The following SLC26A5 variants were observed in gnomAD, a reference collection of about 807,000 sequenced individuals.
SLC26A5 encodes solute carrier family 26 member 5.
In SLC26A5, 51 loss-of-function variants were observed where a neutral mutation model predicts 81.0. That is an observed-to-expected ratio of 0.63 (90% CI 0.50 to 0.80). SLC26A5 has a LOEUF of 0.80. Ranked by LOEUF, SLC26A5 falls within the 30% of genes least tolerant of loss-of-function variation. SLC26A5 has a pLI of 0.00. For missense variants in SLC26A5, 771 were observed against 905.8 expected, an observed-to-expected ratio of 0.85 and a Z score of 1.91; for synonymous variants, 325 against 332.8, an observed-to-expected ratio of 0.98 and a Z score of 0.25.
chr7:103,368,241 G>T (rs1475712691), intron 19 of SLC26A5: 2 of 623,020 alleles, frequency 3.2e-6, no homozygotes, highest in Non-Finnish European at 5.1e-6. Flanking sequence ...AATATATTTT[G>T]ACTATTTTTT....
intron 19 of SLC26A5, among the ~76,000 whole-genome samples, chr7:103,353,224 C>G (rs1362107196): frequency 6.6e-6 from 1 of 151,644 alleles, no homozygotes; most frequent in African/African-American, 2.4e-5. Flanking sequence ...TTTTTTAAAC[C>G]TACCTGATTC....
rs748365094 is a variant in SLC26A5 at position 103,393,023 on chromosome 7, C to T, written c.1015G>A (p.Val339Met). The T allele has an allele frequency of 6.2e-7, 1 of 1,613,976 alleles. No homozygotes were observed. The highest frequency in any genetic ancestry group is 1.1e-5 in the South Asian group (1 of 91,074). ...ANPDTSLFHL[V>M]YVDAIAIAIV... ...GCTATGGCAATGGCATCTACGTACA[C>T]AAGGTGGAAGAGGCTGGTGTCCGGA... Residue 339 changes from valine (V) to methionine (M), a missense_variant, in exon 10 of 20, where the codon GTG becomes ATG. Val to Met is a conservative substitution (Grantham distance 21). Coordinates refer to ENST00000306312, the MANE Select transcript of SLC26A5 (RefSeq NM_198999.3).
intron 7 of SLC26A5, among the ~76,000 whole-genome samples, chr7:103,409,934 C>G (rs913914427): frequency 1.3e-5 from 2 of 152,130 alleles, no homozygotes; most frequent in African/African-American, 2.4e-5. Flanking sequence ...GTCTCGATCT[C>G]CTGACCTCGT....
In SLC26A5 at chr7:103,420,643, T is replaced by C; in HGVS notation, c.292+95A>G. 10 of 1,495,098 alleles carry C rather than the reference T, an allele frequency of 6.7e-6. No individual in the cohort carries two copies. In the South Asian group the frequency reaches 9.2e-5, roughly 14 times the overall value. The allele number at this position is 1,495,098 out of a possible 1,614,324, so 92.6% of individuals were successfully genotyped here. A position where few individuals can be genotyped will look rare whatever the true frequency, so the allele number is the denominator to read the frequency against. Reference sequence around the variant, plus strand: ...GGTAAAGGTTACTAGAAAGATATGATAAAAATTATGAATTTGCAATCATGA... The same window carrying C: ...GGTAAAGGTTACTAGAAAGATATGACAAAAATTATGAATTTGCAATCATGA... On this transcript the variant is annotated intron_variant, in intron 4 of 19. Transcript: ENST00000306312.
chr7:103,391,821 A>T, intron 10 of SLC26A5, 86 bp from the exon 11 acceptor site: 1 of 960,396 alleles, frequency 1.0e-6, no homozygotes. Flanking sequence ...ACACATTGTC[A>T]GCACTACAGC....
intron 1 of SLC26A5, among the ~76,000 whole-genome samples, chr7:103,443,896 A>G (rs1295148118): frequency 6.6e-6 from 1 of 152,214 alleles, no homozygotes; most frequent in Non-Finnish European, 1.5e-5. Flanking sequence ...AAAGGTGTAC[A>G]AGATTTTGAA....
chr7:103,440,341 G>C (rs10256586), intron 2 of SLC26A5, among the ~76,000 whole-genome samples: 58,063 of 152,116 alleles, frequency 0.38, 14,825 homozygotes, highest in African/African-American at 0.71. Flanking sequence ...AAATTGTAAT[G>C]CTTTTTGGAA....
chr7:103,394,428 G>C (rs1341668097), intron 9 of SLC26A5, among the ~76,000 whole-genome samples: 1 of 152,192 alleles, frequency 6.6e-6, no homozygotes, highest in Non-Finnish European at 1.5e-5. Flanking sequence ...TGCTGCACAG[G>C]CATGAACTAA....
At chr7:103,425,914 A>T (rs1825681421) in intron 2 of SLC26A5, among the ~76,000 whole-genome samples, 1 of 152,182 alleles carries the variant, frequency 6.6e-6, no homozygotes, top group Admixed American at 6.5e-5. Flanking sequence ...AGAAGCTCTC[A>T]GGTGATTCTA....
At position 103,366,967 on chromosome 7, in the gene SLC26A5, G is replaced by A. The variant is rs374636386; in HGVS notation, c.2041+9841C>T. On this transcript the variant is annotated intron_variant, in intron 19 of 19. Transcript: ENST00000339444. ...TTACAGATGCCTACCACCATGCCTG[G>A]CTAATTTTTGTATTTTTAGTAGAGA... Among the ~76,000 whole-genome samples, 14 of 152,168 alleles carry A rather than the reference G, an allele frequency of 9.2e-5. No individual in the cohort carries two copies. The East Asian group carries it at 1.7e-3, about 19-fold the overall frequency.
downstream of SLC26A5, among the ~76,000 whole-genome samples, chr7:103,369,829 GT>G (rs1316141863): frequency 2.6e-5 from 4 of 152,160 alleles, no homozygotes; most frequent in Non-Finnish European, 1.5e-5. Flanking sequence ...ACTTCTTAGT[GT>G]TAAAAATGTG....
At chr7:103,365,620 ACT>A (rs780263654) in intron 19 of SLC26A5, among the ~76,000 whole-genome samples, 4 of 148,574 alleles carry the variant, frequency 2.7e-5, no homozygotes, top group Non-Finnish European at 3.0e-5. Flanking sequence ...CAAGAGTGAA[ACT>A]CTGTCTCAAA....
chr7:103,426,197 G>A (rs558983745), intron 2 of SLC26A5, among the ~76,000 whole-genome samples: 130 of 152,270 alleles, frequency 8.5e-4, no homozygotes, highest in African/African-American at 3.0e-3. Flanking sequence ...TTGTGCGGAG[G>A]TGGGCAGTGC....
chr7:103,365,798 C>T (rs1439892679), intron 19 of SLC26A5, among the ~76,000 whole-genome samples: 1 of 152,016 alleles, frequency 6.6e-6, no homozygotes, highest in African/African-American at 2.4e-5. Context: ...TGTGGTGACA[C>T]ATGCCTGTAA....
In SLC26A5 at chr7:103,377,680, T is replaced by TG. The variant is rs956448140; in HGVS notation, c.1904dup (p.Gly636ArgfsTer3). ...AAATGACAGTGTGGACGTTATCCCCTGGGGGCATAAATCTTTGCATTTCCT... is the reference window on the plus strand; with the variant it reads ...AAATGACAGTGTGGACGTTATCCCCTGGGGGGCATAAATCTTTGCATTTCCT... On this transcript the variant is annotated frameshift_variant, in exon 18 of 20. Transcript: ENST00000306312. LOFTEE classifies it high-confidence loss of function. 3 of 1,614,082 alleles carry TG rather than the reference T, an allele frequency of 1.9e-6. No homozygotes were observed. Among genetic ancestry groups the TG allele is most frequent in the Non-Finnish European group, 2.5e-6 (3 of 1,179,982 alleles).
chr7:103,377,120 C>T (rs1395724997), intron 18 of SLC26A5, among the ~76,000 whole-genome samples: 1 of 152,104 alleles, frequency 6.6e-6, no homozygotes, highest in African/African-American at 2.4e-5. Context: ...ATTATATTAA[C>T]TTAAAGGATA....
At chr7:103,407,643 A>G (rs1824158433) in intron 8 of SLC26A5, among the ~76,000 whole-genome samples, 1 of 152,242 alleles carries the variant, frequency 6.6e-6, no homozygotes, top group South Asian at 2.1e-4. Context: ...AGAGTCTTAC[A>G]TATAATTTAA....
At chr7:103,363,566 G>A (rs1820531150) in intron 19 of SLC26A5, 3 of 787,646 alleles carry the variant, frequency 3.8e-6, no homozygotes, top group African/African-American at 3.4e-5. Context: ...TTGAGAGGGT[G>A]GAGAGAGGAG....
At chr7:103,386,387 GA>G (rs1443318493) in intron 14 of SLC26A5, among the ~76,000 whole-genome samples, 1 of 152,024 alleles carries the variant, frequency 6.6e-6, no homozygotes, top group Non-Finnish European at 1.5e-5. Context: ...CTGACACGAT[GA>G]AACTCTGTCT....
Sources: gnomAD v4.1 joint callset for allele counts (sites outside exome capture counted in the v4.1 genomes callset) on GRCh38, gnomAD v4.1.1 for gene constraint, MANE v1.5 for transcripts, NCBI Gene and HGNC (gene_info 2026-07-23, HGNC 2026-07-21) for gene names.